Variants in NCOA6 observed in about 807,000 individuals in gnomAD.
The protein encoded by NCOA6 is NRC RAP250.
Under a neutral mutation model 171.4 loss-of-function variants are expected in NCOA6, and 49 were observed. The ratio of observed to expected loss-of-function variants is 0.29; its 90% CI spans 0.23 to 0.36. NCOA6 has a LOEUF of 0.36. NCOA6 is among the 10% of genes least tolerant of loss of function. NCOA6 has a pLI of 1.00. For missense variants in NCOA6, 2,248 were observed against 2,554.5 expected (o/e 0.88, Z 2.59); for synonymous variants, 910 against 927.5 (o/e 0.98, Z 0.34).
In NCOA6 at chr20:34,742,125, A is replaced by G; in HGVS notation, c.4131T>C (p.Ser1377=). 6.2e-7 allele frequency: 1 copy of G among 1,614,168 alleles called. No homozygotes were observed. ...CAGGGGGATTGGCCAGAGGAGTGGG[A>G]CTGACCAATACATTTCTCGGCAACT... The part of the protein sequence containing the change: ...NVELPRNVLV[S]PTPLANPPVP... Residue 1377 remains serine (S), a synonymous_variant, in exon 11 of 15, where the codon AGT becomes AGC. Transcript: ENST00000359003.
intron 4 of NCOA6, among the ~76,000 whole-genome samples, chr20:34,770,867 C>A (rs2077128647): frequency 6.6e-6 from 1 of 151,706 alleles, no homozygotes; most frequent in Non-Finnish European, 1.5e-5. Flanking sequence ...TGACCTCAGA[C>A]AATCCGCCTG....
intron 3 of NCOA6, among the ~76,000 whole-genome samples, chr20:34,778,910 G>C (rs1021809873): frequency 1.4e-5 from 2 of 142,186 alleles, no homozygotes; most frequent in African/African-American, 5.4e-5. Context: ...AGAGAGCCGA[G>C]ATCGCACCAC....
chr20:34,782,056 TAA>T lies in NCOA6; in HGVS notation c.235+63_235+64del. ...CAAGCTTGTTTTGTAAAACTCAAGA[TAA>T]CCATGGAAGGGCAAACATTTCAAAA... On this transcript the variant is annotated intron_variant, in intron 3 of 14. Transcript: ENST00000359003. 4 of 1,155,304 alleles carry T rather than the reference TAA, an allele frequency of 3.5e-6. No homozygotes were observed. In the South Asian group the frequency reaches 6.5e-5, roughly 19 times the overall value. 71.6% of individuals were successfully genotyped at this position (1,155,304 alleles called of 1,614,324 possible).
Position 34,757,737 on chromosome 20 carries a change from T to A in NCOA6, c.1011A>T (p.Thr337=), listed in dbSNP as rs1415733198. Residue 337 remains threonine, a synonymous_variant, in exon 7 of 15, where the codon ACA becomes ACT. Coordinates refer to ENST00000359003, the MANE Select transcript of NCOA6 (RefSeq NM_014071.5). ...QPPPAQGSLG[T]MTANQGWKKA... ...TCTTCCACCCTTGGTTTGCAGTCAT[T>A]GTGCCCAGAGAACCCTGGGCTGGAG... 2 of 1,614,152 alleles carry A rather than the reference T, an allele frequency of 1.2e-6. No individual in the cohort carries two copies.
chr20:34,818,380 A>C (rs1347507203), intron 1 of NCOA6, among the ~76,000 whole-genome samples: 3 of 150,068 alleles, frequency 2.0e-5, no homozygotes, highest in Admixed American at 2.0e-4. Flanking sequence ...AAAACAAAAC[A>C]AAAAAACCCT....
intron 9 of NCOA6, among the ~76,000 whole-genome samples, chr20:34,747,924 C>T (rs2076355435): frequency 6.6e-6 from 1 of 152,096 alleles, no homozygotes; most frequent in African/African-American, 2.4e-5. Context: ...CCAGCCCCAT[C>T]ATGTTATGAA....
chr20:34,796,457 A>C (rs553054560), intron 1 of NCOA6, among the ~76,000 whole-genome samples: 1 of 151,986 alleles, frequency 6.6e-6, no homozygotes, highest in East Asian at 2.0e-4. Context: ...CTGCCTCTAC[A>C]AAAAAATACA....
At chr20:34,759,104 C>A (rs1476744060) in intron 5 of NCOA6, among the ~76,000 whole-genome samples, 171 bp from the exon 6 acceptor site, 3 of 151,682 alleles carry the variant, frequency 2.0e-5, no homozygotes, top group African/African-American at 7.3e-5. Context: ...ACTGCCATCT[C>A]GACTTCCCGG....
At chr20:34,801,796 T>C (rs531194544) in intron 1 of NCOA6, among the ~76,000 whole-genome samples, 1 of 151,652 alleles carries the variant, frequency 6.6e-6, no homozygotes, top group Admixed American at 6.6e-5. Flanking sequence ...ACCCAGGAGG[T>C]GGAGGTTGCA....
rs1434135183 is a variant in NCOA6 at position 34,737,831 on chromosome 20, C to T, written c.5894-1073G>A. On this transcript the variant is annotated intron_variant, in intron 11 of 14. Coordinates refer to ENST00000359003, the MANE Select transcript of NCOA6 (RefSeq NM_014071.5). ...TGTGTTTAAGAATTTATTTTGGATG[C>T]TTATCTGATAAAGCTTAAAACTATA... Among the ~76,000 whole-genome samples the T allele has an allele frequency of 2.0e-5, 3 of 152,320 alleles. No homozygotes were observed. The East Asian group carries it at 5.8e-4, about 29-fold the overall frequency.
Position 34,735,781 on chromosome 20 carries a change from T to C in NCOA6, c.5962+909A>G, listed in dbSNP as rs529121831. ...CCTATCAGTCACACAGGATGTAGCA[T>C]TCTGAAGTAGGTTTTAAAATAATCA... On this transcript the variant is annotated intron_variant, in intron 12 of 14. Transcript: ENST00000359003. Among the ~76,000 whole-genome samples, 6 of 152,328 alleles carry C rather than the reference T, an allele frequency of 3.9e-5. No individual in the cohort carries two copies. In the South Asian group the frequency reaches 1.2e-3, roughly 32 times the overall value.
intron 3 of NCOA6, among the ~76,000 whole-genome samples, chr20:34,777,413 G>A (rs549096645): frequency 2.0e-5 from 3 of 151,876 alleles, no homozygotes; most frequent in Admixed American, 6.6e-5. Flanking sequence ...ACAGGAGTTC[G>A]AGATCAGCCT....
At position 34,807,728 on chromosome 20, in the gene NCOA6, T is replaced by A. The variant is rs543963937; in HGVS notation, c.-163-15165A>T. On this transcript the variant is annotated intron_variant, in intron 1 of 14. Transcript: ENST00000359003. The stretch of plus-strand genomic sequence containing the variant: ...TTTTAATAGAGACGGGGTTTCACCG[T>A]GTTAGCCAGGATGGTCTCGATCTCC... Among the ~76,000 whole-genome samples, 11 of 152,132 alleles carry A rather than the reference T, an allele frequency of 7.2e-5. No homozygotes were observed. The South Asian group carries it at 1.9e-3, about 26-fold the overall frequency.
At chr20:34,725,444 T>A (rs1989847145) in intron 14 of NCOA6, among the ~76,000 whole-genome samples, 2 of 152,036 alleles carry the variant, frequency 1.3e-5, no homozygotes, top group Non-Finnish European at 2.9e-5. Context: ...CTCCCTGCAG[T>A]AGCTGCAACA....
chr20:34,734,432 C>T (rs1374522886), intron 12 of NCOA6, among the ~76,000 whole-genome samples: 1 of 152,128 alleles, frequency 6.6e-6, no homozygotes, highest in African/African-American at 2.4e-5. Flanking sequence ...TCACAGCTCA[C>T]TGCAGCCTCA....
At chr20:34,746,610 G>A (rs978965228) in intron 10 of NCOA6, among the ~76,000 whole-genome samples, 197 bp downstream of exon 10, 1 of 152,152 alleles carries the variant, frequency 6.6e-6, no homozygotes, top group Non-Finnish European at 1.5e-5. Flanking sequence ...ATGTGTGTGT[G>A]TATGTGCCTT....
intron 14 of NCOA6, 132 bp downstream of exon 14, chr20:34,727,127 T>C (rs950599300): frequency 9.5e-7 from 1 of 1,053,698 alleles, no homozygotes; most frequent in Non-Finnish European, 1.4e-6. Flanking sequence ...ACCAAACAGG[T>C]AGTAGAAGAC....
At chr20:34,798,148 G>A (rs1387681360) in intron 1 of NCOA6, among the ~76,000 whole-genome samples, 1 of 152,156 alleles carries the variant, frequency 6.6e-6, no homozygotes, top group Admixed American at 6.5e-5. Flanking sequence ...AAGAGCCTTC[G>A]GGCCTTGAGT....
chr20:34,774,495 A>G (rs2077249016), intron 4 of NCOA6, among the ~76,000 whole-genome samples: 1 of 152,248 alleles, frequency 6.6e-6, no homozygotes, highest in Admixed American at 6.5e-5. Flanking sequence ...GTTTGTTGGT[A>G]TTGCCCCTTT....
Sources: gnomAD v4.1 joint callset for allele counts (sites outside exome capture counted in the v4.1 genomes callset) on GRCh38, gnomAD v4.1.1 for gene constraint, MANE v1.5 for transcripts, NCBI Gene and HGNC (gene_info 2026-07-23, HGNC 2026-07-21) for gene names.